Variants in SH3BGR observed in about 807,000 individuals in gnomAD.
SH3BGR encodes SH3 domain binding glutamate rich protein, also known as SH3 domain-binding glutamic acid-rich protein.
A neutral mutation model predicts 24.5 loss-of-function variants in SH3BGR; 29 were observed. The observed-to-expected ratio is 1.18, with a 90% CI of 0.88 to 1.61. SH3BGR has a LOEUF of 1.61. Among genes scored for constraint, SH3BGR ranks in the 40% most tolerant of loss-of-function variants. The pLI is 0.00. For synonymous variants in SH3BGR, 55 were observed against 65.7 expected (o/e 0.84, Z 0.79); for missense variants, 162 against 205.8 (o/e 0.79, Z 1.30).
At chr21:39,489,101 G>A (rs968704736) in intron 3 of SH3BGR, among the ~76,000 whole-genome samples, 1 of 152,200 alleles carries the variant, frequency 6.6e-6, no homozygotes. Context: ...GAAATTGTGA[G>A]TGAAAGGTAC....
At chr21:39,451,084 G>T (rs1352565141), upstream of SH3BGR, among the ~76,000 whole-genome samples, 1 of 152,114 alleles carries the variant, frequency 6.6e-6, no homozygotes, top group Non-Finnish European at 1.5e-5. Context: ...ACCTCCCAAG[G>T]TGTTGGGATT....
intron 2 of SH3BGR, among the ~76,000 whole-genome samples, chr21:39,469,630 C>CT (rs199598073): frequency 9.1e-6 from 1 of 109,622 alleles, no homozygotes; most frequent in African/African-American, 2.7e-5. Context: ...GCAGTATTTT[C>CT]TTTTTTTTAA....
Position 39,511,659 on chromosome 21 carries a change from T to A in SH3BGR, c.436-21T>A. On this transcript the variant is annotated intron_variant, in intron 5 of 6. Transcript: ENST00000333634. The surrounding 1 kb of genome is among the most constrained non-coding windows in gnomAD (Gnocchi z 4.2). ...TGGCCCTTATGCTTCTTAATACTAA[T>A]GTAAGTTTTGTTAAAATAAGACGGA... 2 of 1,607,090 alleles carry A rather than the reference T, an allele frequency of 1.2e-6. No homozygotes were observed. The highest frequency in any genetic ancestry group is 4.5e-5 in the East Asian group (2 of 44,820).
intron 3 of SH3BGR, among the ~76,000 whole-genome samples, chr21:39,478,937 C>A (rs1301749972): frequency 6.6e-6 from 1 of 152,002 alleles, no homozygotes; most frequent in Admixed American, 6.6e-5. Flanking sequence ...ATATAGTTTT[C>A]TTTTACATCT....
intron 1 of SH3BGR, among the ~76,000 whole-genome samples, chr21:39,454,897 A>C (rs552576874): frequency 6.6e-6 from 1 of 152,316 alleles, no homozygotes; most frequent in African/African-American, 2.4e-5. Flanking sequence ...TAAGGTACAA[A>C]ATGCTTTTCC....
chr21:39,473,373 TATCTC>T (rs900665165), intron 2 of SH3BGR, among the ~76,000 whole-genome samples: 1 of 152,216 alleles, frequency 6.6e-6, no homozygotes. Flanking sequence ...ATTAACGTGT[TATCTC>T]ATGTAATCTT....
intron 5 of SH3BGR, among the ~76,000 whole-genome samples, chr21:39,509,841 ATT>A: frequency 6.6e-6 from 1 of 152,242 alleles, no homozygotes; most frequent in South Asian, 2.1e-4. Context: ...AGGGAGAATA[ATT>A]TACTAAGTTA....
chr21:39,490,069 A>T (rs950424375), intron 3 of SH3BGR, among the ~76,000 whole-genome samples: 3 of 152,222 alleles, frequency 2.0e-5, no homozygotes, highest in Non-Finnish European at 4.4e-5. Flanking sequence ...CAGGTGAACT[A>T]TCTTGATGGG....
At chr21:39,451,800 C>T (rs1602056351), upstream of SH3BGR, 11 of 1,234,994 alleles carry the variant, frequency 8.9e-6, no homozygotes, top group Admixed American at 1.0e-4. Context: ...TGTTGTCGCG[C>T]GTTTAAAGTG....
intron 3 of SH3BGR, among the ~76,000 whole-genome samples, chr21:39,492,079 AT>A (rs1388981608): frequency 6.6e-6 from 1 of 152,038 alleles, no homozygotes; most frequent in Non-Finnish European, 1.5e-5. Context: ...ATATGTATGT[AT>A]TTTTTAAGTT....
chr21:39,502,408 G>C (rs2078509903), intron 4 of SH3BGR, among the ~76,000 whole-genome samples: 1 of 152,156 alleles, frequency 6.6e-6, no homozygotes, highest in Non-Finnish European at 1.5e-5. Context: ...CCATCTTGAG[G>C]CTATTTCTTT....
chr21:39,510,369 C>CACACACACACACACACACACTGTAGCT (rs1569177940), intron 5 of SH3BGR, among the ~76,000 whole-genome samples: 10 of 141,974 alleles, frequency 7.0e-5, no homozygotes, highest in African/African-American at 2.2e-4. Context: ...GCTACATACA[C>CACACACACACACACACACACTGTAGCT]ACACACACAC....
intron 1 of SH3BGR, among the ~76,000 whole-genome samples, chr21:39,455,953 A>G (rs898817870): frequency 1.2e-4 from 19 of 152,160 alleles, no homozygotes; most frequent in African/African-American, 4.6e-4. Flanking sequence ...ACAGTCCCGC[A>G]ATGGACCTGG....
intron 2 of SH3BGR, among the ~76,000 whole-genome samples, chr21:39,470,512 T>C (rs1037067783): frequency 2.6e-5 from 4 of 152,216 alleles, no homozygotes; most frequent in African/African-American, 9.6e-5. Flanking sequence ...TCCGCCCACC[T>C]TGGCCTCCCA....
upstream of SH3BGR, among the ~76,000 whole-genome samples, chr21:39,450,420 C>T (rs1001497556): frequency 2.6e-5 from 4 of 152,084 alleles, no homozygotes; most frequent in African/African-American, 4.8e-5. Context: ...TGGGATATTC[C>T]GGGGACTGGG....
intron 1 of SH3BGR, among the ~76,000 whole-genome samples, chr21:39,455,308 A>G (rs2077637022): frequency 6.6e-6 from 1 of 152,208 alleles, no homozygotes; most frequent in Non-Finnish European, 1.5e-5. Context: ...GCTCCAAACA[A>G]TGACACACAC....
rs770971187 is a variant in SH3BGR, at chr21:39,503,954, C to T, written c.405+4039C>T. On this transcript the variant is annotated intron_variant, in intron 4 of 6. Coordinates refer to ENST00000333634, the MANE Select transcript of SH3BGR (RefSeq NM_007341.3). ...GGAGGGTGAGGGGCTAAGGAACCGG[C>T]GCCTCAGGAGTAAAGGAGGAAAACA... is the stretch of plus-strand genomic sequence containing the variant. Among the ~76,000 whole-genome samples, 17 of 152,096 alleles carry T rather than the reference C, an allele frequency of 1.1e-4. 1 individual carries two copies. The South Asian group carries it at 2.9e-3, about 26-fold the overall frequency.
intron 2 of SH3BGR, among the ~76,000 whole-genome samples, chr21:39,466,358 T>G (rs1165070215): frequency 6.6e-6 from 1 of 152,230 alleles, no homozygotes; most frequent in Admixed American, 6.5e-5. Context: ...CTGTGCTTTT[T>G]CTATGATTTA....
Position 39,511,892 on chromosome 21 carries a change from G to C in SH3BGR, c.*34+83G>C, listed in dbSNP as rs2078703057. 1 of 1,300,706 alleles carries C rather than the reference G, an allele frequency of 7.7e-7. No individual in the cohort carries two copies. The highest frequency in any genetic ancestry group is 1.0e-6 in the Non-Finnish European group (1 of 967,376). The allele number at this position is 1,300,706 out of a possible 1,614,324, so 80.6% of individuals were successfully genotyped here. ...CGGCACATTTTGCTTAGTAACAGGA[G>C]AAAGGGAATTCCAATTCAGGGCTGT... On this transcript the variant is annotated intron_variant, in intron 6 of 6. Transcript: ENST00000333634. The surrounding 1 kb of genome is among the most constrained non-coding windows in gnomAD (Gnocchi z 4.2).
Sources: gnomAD v4.1 joint callset for allele counts (sites outside exome capture counted in the v4.1 genomes callset) on GRCh38, gnomAD v4.1.1 for gene constraint, Gnocchi (gnomAD v3.1) non-coding constraint, MANE v1.5 for transcripts, NCBI Gene and HGNC (gene_info 2026-07-23, HGNC 2026-07-21) for gene names.